UBN2: variants seen among roughly 807,000 people sequenced by gnomAD.
UBN2 encodes the protein ubinuclein 2, also known as ubinuclein-2.
Under a neutral mutation model 120.2 loss-of-function variants are expected in UBN2, and 35 were observed. That is an observed-to-expected ratio of 0.29 (90% CI 0.22 to 0.39). The LOEUF is 0.39. Ranked by LOEUF, UBN2 falls within the 10% of genes least tolerant of loss-of-function variation. UBN2 has a pLI of 1.00. For synonymous variants in UBN2, 661 were observed against 648.7 expected (o/e 1.02, Z -0.29); for missense variants, 1,693 against 1,663.2 (o/e 1.02, Z -0.31).
Position 139,297,976 on chromosome 7 carries a change from A to C in UBN2, c.*140A>C. 1.1e-6 allele frequency: 1 copy of C among 892,892 alleles called. No homozygotes were observed. The highest frequency in any genetic ancestry group is 1.7e-6 in the Non-Finnish European group (1 of 584,340). The allele number at this position is 892,892 out of a possible 1,614,324, so 55.3% of individuals were successfully genotyped here. A position where few individuals can be genotyped will look rare whatever the true frequency, so the allele number is the denominator to read the frequency against. ...TCCCAAGCACTGTGGTGAGGAGGAAAAAGAAAAGAAAACATTACTTGAGCA... is the reference window on the plus strand; with the variant it reads ...TCCCAAGCACTGTGGTGAGGAGGAACAAGAAAAGAAAACATTACTTGAGCA... On this transcript the variant is annotated 3_prime_UTR_variant, in exon 18 of 18. Transcript: ENST00000473989.
chr7:139,329,737 A>G, the UBN2 span, among the ~76,000 whole-genome samples: 1 of 152,032 alleles, frequency 6.6e-6, no homozygotes, highest in East Asian at 1.9e-4. Flanking sequence ...CAGGTATTCA[A>G]AATGAGGGCC....
At chr7:139,258,032 C>G (rs574153026) in intron 3 of UBN2, among the ~76,000 whole-genome samples, 2 of 152,292 alleles carry the variant, frequency 1.3e-5, no homozygotes, top group East Asian at 3.9e-4. Flanking sequence ...CCTCAGCCTC[C>G]CAACTGGGAT....
At chr7:139,273,524 G>T (rs769067368) in intron 10 of UBN2, 114 bp downstream of exon 10, 106 of 695,114 alleles carry the variant, frequency 1.5e-4, no homozygotes, top group Non-Finnish European at 2.1e-4. Flanking sequence ...AGATTAGTGT[G>T]TAGGAAAAAA....
intron 11 of UBN2, among the ~76,000 whole-genome samples, chr7:139,275,311 C>T (rs1187557398): frequency 5.4e-5 from 8 of 147,720 alleles, no homozygotes; most frequent in African/African-American, 1.7e-4. Context: ...TCGCTGGGCA[C>T]GGTGGCTCAC....
the UBN2 span, among the ~76,000 whole-genome samples, chr7:139,314,348 G>A: frequency 1.3e-5 from 2 of 151,498 alleles, no homozygotes; most frequent in Non-Finnish European, 2.9e-5. Context: ...CCAGCCACTG[G>A]GGAGTCTGAG....
rs748254854 is a variant in UBN2, at chr7:139,283,533, A to G, written c.2628A>G (p.Leu876=). The change falls in exon 15 of 18, where the codon CTA becomes CTG. Residue 876 remains leucine (L), a synonymous_variant. Transcript: ENST00000473989. ...CTTTAGAACCTTTGCCAGCCAGGCTACTTCAACAAGGACTTCAGAGGTCAA... is the reference window on the plus strand; with the variant it reads ...CTTTAGAACCTTTGCCAGCCAGGCTGCTTCAACAAGGACTTCAGAGGTCAA... ...KVSLEPLPAR[L]LQQGLQRSSQ... 24 of 1,614,046 alleles carry G rather than the reference A, an allele frequency of 1.5e-5. No individual in the cohort carries two copies. In the Admixed American group the frequency reaches 1.8e-4, roughly 12 times the overall value.
At chr7:139,315,050 A>T in the UBN2 span, among the ~76,000 whole-genome samples, 1 of 151,790 alleles carries the variant, frequency 6.6e-6, no homozygotes, top group African/African-American at 2.4e-5. Flanking sequence ...ATCTCGGCTC[A>T]CTGCAAGCTC....
intron 6 of UBN2, among the ~76,000 whole-genome samples, chr7:139,266,031 C>T (rs1394416845): frequency 1.3e-5 from 2 of 151,598 alleles, no homozygotes; most frequent in African/African-American, 4.8e-5. Context: ...TTCATCACAA[C>T]TCATTTGGTG....
At chr7:139,282,833 A>G (rs2131034490) in intron 14 of UBN2, among the ~76,000 whole-genome samples, 191 bp from the exon 15 acceptor site, 1 of 152,222 alleles carries the variant, frequency 6.6e-6, no homozygotes, top group Admixed American at 6.5e-5. Flanking sequence ...TATATCAGAT[A>G]CTTTGTCTTG....
At chr7:139,324,015 T>G in the UBN2 span, among the ~76,000 whole-genome samples, 2 of 152,058 alleles carry the variant, frequency 1.3e-5, no homozygotes, top group Non-Finnish European at 2.9e-5. Context: ...GCAACCAACC[T>G]CCTGTACTCT....
the UBN2 span, among the ~76,000 whole-genome samples, chr7:139,324,416 C>T: frequency 8.6e-5 from 13 of 151,346 alleles, no homozygotes; most frequent in African/African-American, 2.2e-4. Context: ...AATAGCTGGG[C>T]GCAGTGGCAG....
At chr7:139,236,966 T>C in intron 1 of UBN2, 39 bp from the exon 2 acceptor site, 1 of 1,312,164 alleles carries the variant, frequency 7.6e-7, no homozygotes, top group South Asian at 1.2e-5. Flanking sequence ...GTAATACTAA[T>C]GGATACTTCT....
chr7:139,281,508 G>A (rs7794348), intron 13 of UBN2, among the ~76,000 whole-genome samples: 25,331 of 151,728 alleles, frequency 0.17, 4,443 homozygotes, highest in African/African-American at 0.45. Context: ...CCATTCGTCC[G>A]TCCATCCATA....
chr7:139,282,074 T>G lies in UBN2; in HGVS notation c.2118+19T>G. 4 of 1,611,754 alleles carry G rather than the reference T, an allele frequency of 2.5e-6. No individual in the cohort carries two copies. The South Asian group carries it at 4.4e-5, about 18-fold the overall frequency. ...GCTTAAGGTAAGTGCTATGGTTGTA[T>G]CAATCAGTATGTAATATAACACTCT... On this transcript the variant is annotated intron_variant, in intron 14 of 17. Transcript: ENST00000473989.
the UBN2 span, among the ~76,000 whole-genome samples, chr7:139,321,657 C>A: frequency 6.9e-6 from 1 of 145,304 alleles, no homozygotes; most frequent in South Asian, 2.1e-4. Context: ...AAGGTGTAGC[C>A]TCTGGGGGAC....
chr7:139,272,344 T>C lies in UBN2; in HGVS notation c.1619T>C (p.Leu540Pro). 6.2e-7 allele frequency: 1 copy of C among 1,613,012 alleles called. No homozygotes were observed. The highest frequency in any genetic ancestry group is 8.5e-7 in the Non-Finnish European group (1 of 1,179,718). Residue 540 changes from leucine (L) to proline (P), a missense_variant, in exon 9 of 18, where the codon CTG becomes CCG. By Grantham distance (98) the Leu-to-Pro change is moderately conservative. Around this residue, in one of 5 missense-constraint regions of UBN2, gnomAD observed 178 missense variants for 204.0 expected, o/e 0.87. Transcript: ENST00000473989. ...TAGGATGATCGTTTAAGAGAACCTC[T>C]GCAAAAACTGAAACTGGCTGTTAGC... ...NVQDDRLREPLQKLKLAVSNV... is the reference protein window; with the variant it reads ...NVQDDRLREPPQKLKLAVSNV...
the UBN2 span, among the ~76,000 whole-genome samples, chr7:139,327,248 G>T: frequency 6.6e-6 from 1 of 152,064 alleles, no homozygotes. Flanking sequence ...GGTCAGGCTG[G>T]TCTCGAGCTC....
Position 139,231,657 on chromosome 7 carries a change from C to A in UBN2, c.173C>A (p.Ala58Asp). 2 of 1,201,456 alleles carry A rather than the reference C, an allele frequency of 1.7e-6. No homozygotes were observed. Among genetic ancestry groups the A allele is most frequent in the South Asian group, 4.0e-5 (1 of 24,908 alleles). 74.4% of individuals were successfully genotyped at this position (1,201,456 alleles called of 1,614,324 possible). ...GAGCCGCCGGCCCCGCGGGAGCCTG[C>A]CCCCCGCTCGGACGCGCAGCCCCCG... ...RAEPPAPREP[A>D]PRSDAQPPSR... Residue 58 changes from alanine to aspartate, a missense_variant, in exon 1 of 18, where the codon GCC becomes GAC. By Grantham distance (126) the Ala-to-Asp change is moderately radical. Transcript: ENST00000473989.
At chr7:139,254,920 A>G (rs1210258088) in intron 3 of UBN2, among the ~76,000 whole-genome samples, 2 of 152,186 alleles carry the variant, frequency 1.3e-5, no homozygotes, top group South Asian at 4.1e-4. Context: ...CATTTGTTAG[A>G]GTTGATGAGC....
Sources: allele counts gnomAD v4.1 joint callset (sites outside exome capture counted in the v4.1 genomes callset), GRCh38; gene constraint gnomAD v4.1.1; regional missense constraint gnomAD v4.1.1; transcripts MANE v1.5; gene names NCBI Gene and HGNC (gene_info 2026-07-23, HGNC 2026-07-21).